DAB1: variants seen among roughly 807,000 people sequenced by gnomAD.
DAB1 encodes the protein disabled homolog 1.
Under a neutral mutation model 64.6 loss-of-function variants are expected in DAB1, and 15 were observed. The ratio of observed to expected loss-of-function variants is 0.23; its 90% CI spans 0.16 to 0.36. The LOEUF (loss-of-function observed/expected upper bound fraction) is 0.36, where lower values mean the gene tolerates loss of function less well. Ranked by LOEUF, DAB1 falls within the 10% of genes least tolerant of loss-of-function variation. The pLI is 1.00. For synonymous variants in DAB1, 235 were observed against 251.9 expected (o/e 0.93, Z 0.64); for missense variants, 596 against 706.7 (o/e 0.84, Z 1.78).
chr1:57,290,072 A>C (rs907806990), intron 2 of DAB1, among the ~76,000 whole-genome samples: 1 of 152,236 alleles, frequency 6.6e-6, no homozygotes, highest in Non-Finnish European at 1.5e-5. Context: ...AATGTGAACG[A>C]AACATCTAGC....
At chr1:58,315,912 G>A (rs1662548177) in intron 4 of DAB1, among the ~76,000 whole-genome samples, 1 of 152,096 alleles carries the variant, frequency 6.6e-6, no homozygotes, top group Admixed American at 6.6e-5. Context: ...GGCTAAACTG[G>A]AAAGTCATTG....
chr1:58,458,298 G>A (rs1032213245), intron 3 of DAB1, among the ~76,000 whole-genome samples: 1 of 152,184 alleles, frequency 6.6e-6, no homozygotes, highest in African/African-American at 2.4e-5. Context: ...CTGGTCTAGT[G>A]AGACAGGCAG....
chr1:57,359,660 T>G (rs1679390439), intron 1 of DAB1, among the ~76,000 whole-genome samples: 1 of 151,952 alleles, frequency 6.6e-6, no homozygotes, highest in South Asian at 2.1e-4. Context: ...GCAATACATT[T>G]ATAATAGCCA....
At chr1:57,121,227 GGAA>G (rs1320544156) in intron 4 of DAB1, among the ~76,000 whole-genome samples, 6 of 149,224 alleles carry the variant, frequency 4.0e-5, no homozygotes, top group East Asian at 2.0e-4. Context: ...GAGGGGAAGG[GGAA>G]GAAGAAGAGG....
intron 2 of DAB1, among the ~76,000 whole-genome samples, chr1:57,186,151 C>T (rs537274868): frequency 3.3e-5 from 5 of 152,138 alleles, no homozygotes; most frequent in African/African-American, 4.8e-5. Context: ...TAGGGTATAA[C>T]CAAGTGGTTA....
chr1:57,230,384 C>T (rs372810949), intron 2 of DAB1, among the ~76,000 whole-genome samples: 5 of 144,820 alleles, frequency 3.5e-5, no homozygotes, highest in East Asian at 3.9e-4. Flanking sequence ...AGCTATCAAA[C>T]GTACTTATCA....
chr1:57,273,149 C>T (rs1347635701), intron 2 of DAB1, among the ~76,000 whole-genome samples: 1 of 152,134 alleles, frequency 6.6e-6, no homozygotes, highest in East Asian at 1.9e-4. Context: ...TCAGTTTCCA[C>T]CAGATGGTAG....
At chr1:58,300,717 A>AAGG (rs1662150791) in intron 4 of DAB1, among the ~76,000 whole-genome samples, 1 of 144,656 alleles carries the variant, frequency 6.9e-6, no homozygotes, top group Non-Finnish European at 1.5e-5. Context: ...AGGAAGGAAG[A>AAGG]GAAAACTGGC....
chr1:57,460,651 AG>A (rs1686751256), intron 7 of DAB1, among the ~76,000 whole-genome samples: 1 of 152,156 alleles, frequency 6.6e-6, no homozygotes, highest in African/African-American at 2.4e-5. Context: ...ATATAACAGC[AG>A]GGGAGGAGTA....
intron 3 of DAB1, chr1:58,480,888 A>C (rs921622184): frequency 1.4e-6 from 1 of 730,700 alleles, no homozygotes. Flanking sequence ...CACTTCAAAC[A>C]TCATTTTTTA....
At chr1:57,905,953 C>A (rs1254446491) in intron 5 of DAB1, among the ~76,000 whole-genome samples, 1 of 152,190 alleles carries the variant, frequency 6.6e-6, no homozygotes, top group East Asian at 1.9e-4. Flanking sequence ...TAGAGTTTGT[C>A]ATTGCCTGAA....
chr1:57,668,273 A>G (rs1339910562), intron 6 of DAB1, among the ~76,000 whole-genome samples: 1 of 152,098 alleles, frequency 6.6e-6, no homozygotes, highest in East Asian at 1.9e-4. Context: ...TTAAGATTAC[A>G]TATGTGGCTT....
chr1:58,054,077 C>T (rs1647895548), intron 5 of DAB1, among the ~76,000 whole-genome samples: 1 of 152,228 alleles, frequency 6.6e-6, no homozygotes, highest in Admixed American at 6.5e-5. Context: ...TGGGCATCAG[C>T]ACTGTGCTGA....
chr1:57,702,530 T>C (rs1405762640), intron 6 of DAB1, among the ~76,000 whole-genome samples: 1 of 152,168 alleles, frequency 6.6e-6, no homozygotes, highest in Non-Finnish European at 1.5e-5. Flanking sequence ...CATCTACCTC[T>C]ATGTTGGCAT....
intron 2 of DAB1, among the ~76,000 whole-genome samples, chr1:57,192,693 C>G (rs375600149): frequency 6.6e-6 from 1 of 152,198 alleles, no homozygotes; most frequent in Non-Finnish European, 1.5e-5. Context: ...CTATCCTCTT[C>G]CAGCAAGAGG....
At chr1:58,135,846 T>C (rs770289914) in intron 5 of DAB1, among the ~76,000 whole-genome samples, 47 of 152,236 alleles carry the variant, frequency 3.1e-4, no homozygotes, top group Non-Finnish European at 5.7e-4. Context: ...TCATAAGCAG[T>C]GGAATGTTGA....
At chr1:57,783,109 T>TTTC (rs1553128583) in intron 6 of DAB1, among the ~76,000 whole-genome samples, 7 of 142,020 alleles carry the variant, frequency 4.9e-5, no homozygotes, top group Admixed American at 7.1e-5. Flanking sequence ...CTCTTTTCTT[T>TTTC]TTTTTTTTTT....
chr1:57,380,292 G>A (rs959956291), intron 1 of DAB1, among the ~76,000 whole-genome samples: 1 of 152,136 alleles, frequency 6.6e-6, no homozygotes, highest in Non-Finnish European at 1.5e-5. Flanking sequence ...CCATAAAACT[G>A]ATATGGTGTT....
intron 2 of DAB1, among the ~76,000 whole-genome samples, chr1:57,187,905 C>T (rs980051620): frequency 3.3e-5 from 5 of 151,900 alleles, no homozygotes; most frequent in South Asian, 2.1e-4. Context: ...AGAGAGACCC[C>T]GCAAGGAGGG....
Sources: gnomAD v4.1 joint callset for allele counts (sites outside exome capture counted in the v4.1 genomes callset) on GRCh38, gnomAD v4.1.1 for gene constraint, MANE v1.5 for transcripts, NCBI Gene and HGNC (gene_info 2026-07-23, HGNC 2026-07-21) for gene names.